TG: variants seen among roughly 807,000 people sequenced by gnomAD.
TG encodes the protein thyroglobulin.
Under a neutral mutation model 324.7 loss-of-function variants are expected in TG, and 270 were observed. The ratio of observed to expected loss-of-function variants is 0.83; its 90% CI spans 0.75 to 0.92. The LOEUF (loss-of-function observed/expected upper bound fraction) is 0.92, where lower values mean the gene tolerates loss of function less well. Ranked by LOEUF, TG falls within the 40% of genes least tolerant of loss-of-function variation. The probability of loss-of-function intolerance (pLI) is 0.00; values close to 1 mark genes in which losing one functional copy is unlikely to be tolerated. For missense variants in TG, 3,591 were observed against 3,456.4 expected, an observed-to-expected ratio of 1.04 and a Z score of -0.98; for synonymous variants, 1,401 against 1,327.0, an observed-to-expected ratio of 1.06 and a Z score of -1.21.
rs753289505 is a variant in TG, at chr8:132,941,366, C to T, written c.5057C>T (p.Thr1686Ile). 1.2e-6 allele frequency: 2 copies of T among 1,614,210 alleles called. No individual in the cohort carries two copies. The highest frequency in any genetic ancestry group is 1.7e-5 in the Admixed American group (1 of 60,030). The change falls in exon 26 of 48, where the codon ACA becomes ATA. Residue 1686 changes from threonine (T) to isoleucine (I), a missense_variant. Thr to Ile is a moderately conservative substitution (Grantham distance 89). Coordinates refer to ENST00000220616, the MANE Select transcript of TG (RefSeq NM_003235.5). ...TTTCCCCCAGGCCAAGGATCCACCA[C>T]AACACTTCAGAAACGCTTTGAACCC... ...VYLKKGQGSTTTLQKRFEPTG... is the reference protein window; with the variant it reads ...VYLKKGQGSTITLQKRFEPTG...
intron 45 of TG, among the ~76,000 whole-genome samples, chr8:133,128,334 CGTG>C (rs1851684201): frequency 3.6e-5 from 3 of 83,852 alleles, no homozygotes; most frequent in Admixed American, 1.2e-4. Flanking sequence ...AAACAAAAGG[CGTG>C]CACACACACA....
intron 41 of TG, among the ~76,000 whole-genome samples, chr8:133,080,249 G>A (rs994798299): frequency 1.3e-5 from 2 of 152,176 alleles, no homozygotes; most frequent in East Asian, 3.8e-4. Flanking sequence ...GAAAGGGAAT[G>A]AATATTGGGG....
At chr8:132,885,431 A>C (rs1259964096) in intron 8 of TG, among the ~76,000 whole-genome samples, 1 of 151,730 alleles carries the variant, frequency 6.6e-6, no homozygotes, top group Non-Finnish European at 1.5e-5. Context: ...AGGAAGTATT[A>C]TATTTCCTAT....
Position 133,117,483 on chromosome 8 carries a change from C to A in TG, c.7862+767C>A, listed in dbSNP as rs532739658. The stretch of plus-strand genomic sequence containing the variant: ...GACTATGGGGCTATCTGTTCTACTG[C>A]CCCATGAGCTTACAGTTCTGAGCCA... On this transcript the variant is annotated intron_variant, in intron 45 of 47. Coordinates refer to ENST00000220616, the MANE Select transcript of TG (RefSeq NM_003235.5). 2.6e-5 allele frequency among the ~76,000 whole-genome samples: 4 copies of A among 152,296 alleles called. No homozygotes were observed. In the South Asian group the frequency reaches 8.3e-4, roughly 32 times the overall value.
intron 11 of TG, 62 bp downstream of exon 11, chr8:132,893,991 C>T (rs1816738070): frequency 6.2e-7 from 1 of 1,612,672 alleles, no homozygotes; most frequent in Non-Finnish European, 8.5e-7. Context: ...AGCTTAAATT[C>T]GTCTCTCCTC....
At chr8:132,985,065 C>T (rs1442423038) in intron 35 of TG, among the ~76,000 whole-genome samples, 1 of 152,132 alleles carries the variant, frequency 6.6e-6, no homozygotes, top group Non-Finnish European at 1.5e-5. Flanking sequence ...TCCTGGCCTC[C>T]GTGTTTCTAA....
rs781367092 is a variant in TG, at chr8:132,893,727, GCAGTTCA to G, written c.2800_2806del (p.Gln934LeufsTer30). The G allele has an allele frequency of 6.2e-7, 1 of 1,613,904 alleles. No homozygotes were observed. Among genetic ancestry groups the G allele is most frequent in the Non-Finnish European group, 8.5e-7 (1 of 1,179,892 alleles). On this transcript the variant is annotated frameshift_variant, in exon 11 of 48. Coordinates refer to ENST00000220616, the MANE Select transcript of TG (RefSeq NM_003235.5). LOFTEE classifies it high-confidence loss of function. ...GTGAGGAAGCAAAGCTCCGTGTACT[GCAGTTCA>G]TTAGGGAAACGGAAGAGATTGTTTC... is the stretch of plus-strand genomic sequence containing the variant.
chr8:133,113,375 C>T, intron 43 of TG, 47 bp from the exon 44 acceptor site: 1 of 1,606,630 alleles, frequency 6.2e-7, no homozygotes, highest in South Asian at 1.1e-5. Context: ...CTGACTTGGA[C>T]CTTTCAGAAT....
intron 39 of TG, among the ~76,000 whole-genome samples, chr8:133,020,095 C>A (rs992659993): frequency 2.0e-5 from 3 of 152,184 alleles, no homozygotes; most frequent in African/African-American, 4.8e-5. Context: ...TTACCCTTAT[C>A]TTAAAGGTGC....
chr8:132,993,601 C>A (rs34642099), intron 35 of TG, among the ~76,000 whole-genome samples: 47,560 of 151,974 alleles, frequency 0.31, 7,630 homozygotes, highest in Non-Finnish European at 0.34. Context: ...TAAATGTTAC[C>A]CCTGCAGTTG....
chr8:132,868,533 G>A (rs933976702), intron 2 of TG, among the ~76,000 whole-genome samples: 4 of 152,208 alleles, frequency 2.6e-5, no homozygotes, highest in African/African-American at 9.6e-5. Context: ...CGGCACGTGT[G>A]GGGAGTGGGG....
intron 24 of TG, 114 bp downstream of exon 24, chr8:132,933,790 T>A: frequency 2.2e-6 from 2 of 920,842 alleles, no homozygotes; most frequent in Non-Finnish European, 1.8e-6. Flanking sequence ...CGAGAGCTGA[T>A]CCTCTGTTAC....
chr8:132,914,955 C>T (rs3857936), intron 20 of TG, among the ~76,000 whole-genome samples: 19,856 of 151,698 alleles, frequency 0.13, 1,818 homozygotes, highest in African/African-American at 0.26. Flanking sequence ...GTGTATGTGG[C>T]GTGTGTGTAT....
rs1352789334 is a variant in TG at position 132,983,422 on chromosome 8, T to C, written c.6262+10T>C. 1.9e-6 allele frequency: 3 copies of C among 1,612,750 alleles called. No individual in the cohort carries two copies. The highest frequency in any genetic ancestry group is 3.3e-5 in the Admixed American group (2 of 60,028). The stretch of plus-strand genomic sequence containing the variant: ...TCCCTCACAGAGAAAGGTAAGTTCA[T>C]TGTCTTTTTATCTCTTGGATGAGAG... On this transcript the variant is annotated intron_variant, in intron 35 of 47. Coordinates refer to ENST00000220616, the MANE Select transcript of TG (RefSeq NM_003235.5).
chr8:133,054,190 A>G (rs1410139141), intron 41 of TG, among the ~76,000 whole-genome samples: 1 of 152,094 alleles, frequency 6.6e-6, no homozygotes, highest in African/African-American at 2.4e-5. Flanking sequence ...CTTTATGGAG[A>G]GCTCAGCGTT....
intron 35 of TG, among the ~76,000 whole-genome samples, chr8:133,003,826 G>T (rs1287227422): frequency 1.3e-5 from 2 of 152,102 alleles, no homozygotes; most frequent in Non-Finnish European, 2.9e-5. Context: ...GCTCTGGTTT[G>T]CAGGGGGTAT....
intron 45 of TG, among the ~76,000 whole-genome samples, chr8:133,118,885 G>T (rs1004908056): frequency 3.9e-5 from 6 of 152,182 alleles, no homozygotes; most frequent in African/African-American, 1.4e-4. Context: ...GATAATCCTG[G>T]ATTATCCCGT....
intron 41 of TG, among the ~76,000 whole-genome samples, chr8:133,071,386 G>A (rs375898457): frequency 6.6e-6 from 1 of 152,202 alleles, no homozygotes; most frequent in Non-Finnish European, 1.5e-5. Context: ...CCCAGCTACC[G>A]TGTCCTTAGG....
rs2702990 is a variant in TG at position 133,068,942 on chromosome 8, G to C, written c.7240-26102G>C. The stretch of plus-strand genomic sequence containing the variant: ...TATAAATGGGGTTTGGCCTAGGCCA[G>C]GTCCTGGATACCTCTAGATCATATA... On this transcript the variant is annotated intron_variant, in intron 41 of 47. Coordinates refer to ENST00000220616, the MANE Select transcript of TG (RefSeq NM_003235.5). Among the ~76,000 whole-genome samples, 110 of 152,388 alleles carry C rather than the reference G, an allele frequency of 7.2e-4. 3 individuals carry two copies. The East Asian group carries it at 0.02, about 27-fold the overall frequency.
Sources: allele counts gnomAD v4.1 joint callset (sites outside exome capture counted in the v4.1 genomes callset), GRCh38; gene constraint gnomAD v4.1.1; transcripts MANE v1.5; gene names NCBI Gene and HGNC (gene_info 2026-07-23, HGNC 2026-07-21).